The following ARL13A variants were observed in gnomAD, a reference collection of about 807,000 sequenced individuals.
ARL13A encodes ARF like GTPase 13A, also known as ADP-ribosylation factor-like protein 13A.
A neutral mutation model predicts 19.1 loss-of-function variants in ARL13A; 16 were observed. The observed-to-expected ratio is 0.84, with a 90% CI of 0.57 to 1.27. The LOEUF is 1.27. Among genes scored for constraint, ARL13A ranks in the 50% most tolerant of loss-of-function variants. ARL13A has a pLI of 0.00. For missense variants in ARL13A, 153 were observed against 186.4 expected, an observed-to-expected ratio of 0.82 and a Z score of 1.04; for synonymous variants, 69 against 71.3, an observed-to-expected ratio of 0.97 and a Z score of 0.17.
At chrX:100,976,598 T>C (rs2085765600) in intron 3 of ARL13A, among the ~76,000 whole-genome samples, 1 of 112,090 alleles carries the variant, frequency 8.9e-6, no homozygotes, top group Non-Finnish European at 1.9e-5. Context: ...CAAATGTTTT[T>C]GTTGTTGTTG....
chrX:100,983,143 G>A (rs2085885832), intron 3 of ARL13A, among the ~76,000 whole-genome samples: 1 of 110,369 alleles, frequency 9.1e-6, no homozygotes, highest in Non-Finnish European at 1.9e-5. Flanking sequence ...CGTTAATAGA[G>A]GAAATAAGAT....
In ARL13A at chrX:100,973,732, A is replaced by C; in HGVS notation, c.43A>C (p.Thr15Pro). 8.3e-7 allele frequency: 1 copy of C among 1,210,902 alleles called. No homozygotes were observed. Among genetic ancestry groups the C allele is most frequent in the Non-Finnish European group, 1.1e-6 (1 of 894,699 alleles). Reference protein sequence around the residue: ...LSSCCSCLRTTEETRRNVTIP... With the variant: ...LSSCCSCLRTPEETRRNVTIP... Reference sequence around the variant, plus strand: ...CTCCTGCTGCTCTTGCCTAAGGACAACAGAAGAGACACGAAGGTAATATTA... The same window carrying C: ...CTCCTGCTGCTCTTGCCTAAGGACACCAGAAGAGACACGAAGGTAATATTA... Residue 15 changes from threonine (T) to proline (P), a missense_variant, in exon 2 of 8, where the codon ACA becomes CCA. Coordinates refer to ENST00000450049, the MANE Select transcript of ARL13A (RefSeq NM_001162491.2).
chrX:100,988,157 G>A (rs368353239), intron 6 of ARL13A, 36 bp from the exon 7 acceptor site: 98 of 1,119,305 alleles, frequency 8.8e-5, no homozygotes, highest in Non-Finnish European at 1.1e-4. Context: ...AAGTGTGTCC[G>A]TTTCTACTAC....
intron 1 of ARL13A, among the ~76,000 whole-genome samples, chrX:100,970,177 G>A (rs945377790): frequency 8.9e-6 from 1 of 112,499 alleles, no homozygotes; most frequent in East Asian, 2.8e-4. Context: ...CAGGCTCCTG[G>A]TCATATCAGC....
At chrX:100,990,175 C>T (rs975008669) in intron 7 of ARL13A, among the ~76,000 whole-genome samples, 6 of 111,206 alleles carry the variant, frequency 5.4e-5, no homozygotes, top group Non-Finnish European at 1.1e-4. Flanking sequence ...AGAGAAAGTA[C>T]GAGGCCAGGG....
At chrX:100,970,542 A>C (rs977930943) in intron 1 of ARL13A, among the ~76,000 whole-genome samples, 5 of 112,333 alleles carry the variant, frequency 4.5e-5, no homozygotes, top group Admixed American at 3.8e-4. Flanking sequence ...TTCAACATAC[A>C]GTCGTCCCTC....
intron 3 of ARL13A, among the ~76,000 whole-genome samples, chrX:100,982,361 G>A (rs2085870601): frequency 1.8e-5 from 2 of 110,595 alleles, no homozygotes; most frequent in East Asian, 5.7e-4. Flanking sequence ...GTGTGGTGGT[G>A]GGGGCCTGTA....
chrX:100,977,009 A>T (rs909016974), intron 3 of ARL13A, among the ~76,000 whole-genome samples: 1 of 112,691 alleles, frequency 8.9e-6, no homozygotes, highest in Non-Finnish European at 1.9e-5. Flanking sequence ...TTTGGCACAC[A>T]AGCCATTTTT....
intron 3 of ARL13A, among the ~76,000 whole-genome samples, chrX:100,978,145 G>T (rs928435935): frequency 8.9e-6 from 1 of 112,228 alleles, no homozygotes; most frequent in African/African-American, 3.2e-5. Context: ...CCACAGCCTT[G>T]CCAGAATGAT....
intron 3 of ARL13A, among the ~76,000 whole-genome samples, chrX:100,984,504 T>C (rs912694750): frequency 1.8e-5 from 2 of 111,760 alleles, no homozygotes; most frequent in Non-Finnish European, 3.8e-5. Flanking sequence ...CTATGAGATT[T>C]TGTGTTCTGG....
At chrX:100,979,357 C>T (rs193008426) in intron 3 of ARL13A, among the ~76,000 whole-genome samples, 1 of 111,860 alleles carries the variant, frequency 8.9e-6, no homozygotes, top group East Asian at 2.8e-4. Flanking sequence ...CTGGGAAATA[C>T]TTTATTTCTC....
intron 3 of ARL13A, among the ~76,000 whole-genome samples, chrX:100,981,745 G>A (rs921171431): frequency 4.6e-5 from 5 of 108,237 alleles, no homozygotes; most frequent in Non-Finnish European, 9.6e-5. Flanking sequence ...GGAGGTCAAG[G>A]CTGCAGTGAG....
chrX:100,988,454 A>T, intron 7 of ARL13A, 171 bp downstream of exon 7: 7 of 1,197,349 alleles, frequency 5.8e-6, no homozygotes, highest in Non-Finnish European at 7.9e-6. Context: ...AAAGAAGGTG[A>T]ATGTTCTAGG....
rs148743257 is a variant in ARL13A at position 100,978,562 on chromosome X, C to G, written c.130+4365C>G. Among the ~76,000 whole-genome samples the G allele has an allele frequency of 4.5e-3, 493 of 110,707 alleles. 7 individuals carry two copies. The highest frequency in any genetic ancestry group is 0.014 in the Middle Eastern group (3 of 210). On this transcript the variant is annotated intron_variant, in intron 3 of 7. Coordinates refer to ENST00000450049, the MANE Select transcript of ARL13A (RefSeq NM_001162491.2). ...ATTTGTATAGAATATAATTTTCTATCCCTTTCAGTCTATATGTGTCTTTAT... is the reference window on the plus strand; with the variant it reads ...ATTTGTATAGAATATAATTTTCTATGCCTTTCAGTCTATATGTGTCTTTAT...
At chrX:100,970,706 GA>G (rs34718879) in intron 1 of ARL13A, among the ~76,000 whole-genome samples, 27,872 of 102,146 alleles carry the variant, frequency 0.27, 3,602 homozygotes, top group African/African-American at 0.48. Context: ...TCATTTGGTT[GA>G]AAAAAAAAAA....
At position 100,986,882 on chromosome X, in the gene ARL13A, A is replaced by G. The variant is rs749695900; in HGVS notation, c.467A>G (p.Asn156Ser). ...CTTCTAAAGAAGCTAGTGAAAGAGA[A>G]TAAGTGCCCATGCCGAGTAGTAAGT... ...YLLLKKLVKE[N>S]KCPCRVEPCS... The change falls in exon 5 of 8, where the codon AAT becomes AGT. Residue 156 changes from asparagine to serine, a missense_variant. By Grantham distance (46) the Asn-to-Ser change is conservative. Coordinates refer to ENST00000450049, the MANE Select transcript of ARL13A (RefSeq NM_001162491.2). 7.1e-5 allele frequency: 84 copies of G among 1,187,472 alleles called. No homozygotes were observed. The highest frequency in any genetic ancestry group is 9.0e-5 in the Non-Finnish European group (79 of 878,715).
intron 3 of ARL13A, among the ~76,000 whole-genome samples, chrX:100,975,066 T>C (rs112436765): frequency 2.7e-5 from 3 of 111,824 alleles, no homozygotes; most frequent in African/African-American, 6.5e-5. Flanking sequence ...GGACTTAATA[T>C]AAAAGTCTGA....
chrX:100,989,170 G>A (rs988517408), intron 7 of ARL13A, among the ~76,000 whole-genome samples: 1 of 110,763 alleles, frequency 9.0e-6, no homozygotes, highest in Non-Finnish European at 1.9e-5. Context: ...TTTTGTTAGG[G>A]AAAATAGCAA....
At chrX:100,972,623 G>T (rs1376580049) in intron 1 of ARL13A, among the ~76,000 whole-genome samples, 4 of 38,250 alleles carry the variant, frequency 1.0e-4, no homozygotes, top group Non-Finnish European at 2.0e-4. Flanking sequence ...GGGCAGAGGC[G>T]CCCCTCACCT....
Sources: allele counts gnomAD v4.1 joint callset (sites outside exome capture counted in the v4.1 genomes callset), GRCh38; gene constraint gnomAD v4.1.1; transcripts MANE v1.5; gene names NCBI Gene and HGNC (gene_info 2026-07-23, HGNC 2026-07-21).